Variants in MTUS2 observed in about 807,000 individuals in gnomAD.
MTUS2 encodes the protein microtubule associated scaffold protein 2.
In MTUS2, 40 loss-of-function variants were observed where a neutral mutation model predicts 114.1. The observed-to-expected ratio is 0.35, with a 90% CI of 0.27 to 0.46. MTUS2 has a LOEUF of 0.46. Among genes scored for constraint, MTUS2 ranks in the 20% least tolerant of loss-of-function variants. The pLI, the probability that MTUS2 is intolerant of heterozygous loss-of-function variation, is 1.00. For missense variants in MTUS2, 1,679 were observed against 1,705.4 expected (o/e 0.98, Z 0.27); for synonymous variants, 688 against 672.0 (o/e 1.02, Z -0.37).
chr13:29,290,848 T>G (rs1898681638), intron 6 of MTUS2, among the ~76,000 whole-genome samples: 1 of 152,066 alleles, frequency 6.6e-6, no homozygotes, highest in Non-Finnish European at 1.5e-5. Context: ...GTTGTACTCA[T>G]CCCCAAATCC....
At chr13:29,007,256 T>C (rs1310840906) in intron 2 of MTUS2, among the ~76,000 whole-genome samples, 1 of 152,202 alleles carries the variant, frequency 6.6e-6, no homozygotes, top group East Asian at 1.9e-4. Context: ...ATTTTTATTA[T>C]AGTGATAAAA....
chr13:28,897,280 C>T (rs1255686665), intron 2 of MTUS2, among the ~76,000 whole-genome samples: 2 of 151,980 alleles, frequency 1.3e-5, no homozygotes, highest in Admixed American at 6.6e-5. Flanking sequence ...TTTATGCAGC[C>T]AAAAAACACA....
intron 5 of MTUS2, among the ~76,000 whole-genome samples, chr13:29,277,520 G>A (rs1278754920): frequency 6.6e-6 from 1 of 152,190 alleles, no homozygotes; most frequent in Non-Finnish European, 1.5e-5. Flanking sequence ...ATCTTACATT[G>A]TAGTGAATAA....
intron 9 of MTUS2, among the ~76,000 whole-genome samples, chr13:29,443,458 T>C (rs1026441265): frequency 2.6e-5 from 4 of 152,220 alleles, no homozygotes; most frequent in Non-Finnish European, 5.9e-5. Context: ...TGAAATCTTA[T>C]TTGATTTCTG....
At chr13:29,003,143 T>A (rs866395106) in intron 2 of MTUS2, among the ~76,000 whole-genome samples, 2 of 152,214 alleles carry the variant, frequency 1.3e-5, no homozygotes, top group Non-Finnish European at 2.9e-5. Context: ...GGATGGGACT[T>A]TTTTTGTTTT....
intron 2 of MTUS2, among the ~76,000 whole-genome samples, chr13:28,886,906 G>A (rs1406009039): frequency 6.6e-6 from 1 of 152,192 alleles, no homozygotes; most frequent in Non-Finnish European, 1.5e-5. Flanking sequence ...AGCAGTTGGT[G>A]CTTTTCCTTG....
At chr13:28,839,552 A>G (rs1048401284) in intron 1 of MTUS2, among the ~76,000 whole-genome samples, 1 of 152,226 alleles carries the variant, frequency 6.6e-6, no homozygotes, top group African/African-American at 2.4e-5. Context: ...TAATCTGAAA[A>G]TAAGATTAAG....
intron 8 of MTUS2, among the ~76,000 whole-genome samples, chr13:29,436,518 C>T (rs1044090156): frequency 3.3e-5 from 5 of 152,160 alleles, no homozygotes; most frequent in Non-Finnish European, 7.4e-5. Context: ...AATACTTAGC[C>T]AGAACTTGCC....
In MTUS2 at chr13:29,158,159, C is replaced by T. The variant is rs567941867; in HGVS notation, c.2644+57189C>T. On this transcript the variant is annotated intron_variant, in intron 5 of 15. Transcript: ENST00000612955. ...ACTGTCCCTCCCGGACTCCCTCAAA[C>T]GTCTTTGCTTCTGGGATTTTGAGCA... Among the ~76,000 whole-genome samples, 45 of 152,228 alleles carry T rather than the reference C, an allele frequency of 3.0e-4. 1 individual carries two copies. In the South Asian group the frequency reaches 6.2e-3, roughly 21 times the overall value.
intron 10 of MTUS2, chr13:29,485,200 G>C (rs1415470682): frequency 6.6e-6 from 1 of 152,662 alleles, no homozygotes; most frequent in Non-Finnish European, 1.5e-5. Context: ...GAAAGATCTT[G>C]TGCTTTCCTT....
intron 5 of MTUS2, among the ~76,000 whole-genome samples, chr13:29,103,183 G>A (rs1890496077): frequency 6.6e-6 from 1 of 152,196 alleles, no homozygotes; most frequent in South Asian, 2.1e-4. Flanking sequence ...TGAAACATGA[G>A]CATGATAAGA....
intron 5 of MTUS2, among the ~76,000 whole-genome samples, chr13:29,222,750 C>A (rs1324952032): frequency 6.6e-6 from 1 of 152,212 alleles, no homozygotes; most frequent in African/African-American, 2.4e-5. Context: ...CACTCTCAGG[C>A]CCAGGAAGAC....
At chr13:29,006,723 T>C (rs74045515) in intron 2 of MTUS2, among the ~76,000 whole-genome samples, 1,937 of 152,350 alleles carry the variant, frequency 0.013, 38 homozygotes, top group African/African-American at 0.044. Context: ...AGGAGGGCTG[T>C]GTCTTCTAGG....
At chr13:29,292,057 AAAGCAGAAGGTAGGC>A (rs1898739479) in intron 6 of MTUS2, among the ~76,000 whole-genome samples, 1 of 152,234 alleles carries the variant, frequency 6.6e-6, no homozygotes, top group Non-Finnish European at 1.5e-5. Context: ...AGCCAATTAA[AAAGCAGAAGGTAGGC>A]ATGCAGATTG....
chr13:29,439,777 T>C (rs1877694591), intron 8 of MTUS2, among the ~76,000 whole-genome samples: 1 of 152,244 alleles, frequency 6.6e-6, no homozygotes. Flanking sequence ...AATATTATGA[T>C]GCAAGCTTTG....
At chr13:28,925,907 A>G (rs931068987) in intron 2 of MTUS2, among the ~76,000 whole-genome samples, 7 of 152,238 alleles carry the variant, frequency 4.6e-5, no homozygotes, top group African/African-American at 1.7e-4. Context: ...GGGAATTAGA[A>G]TACACACTTA....
At chr13:29,190,925 T>G (rs1359959974) in intron 5 of MTUS2, among the ~76,000 whole-genome samples, 2 of 152,106 alleles carry the variant, frequency 1.3e-5, no homozygotes, top group African/African-American at 4.8e-5. Flanking sequence ...AGCAAGTGAT[T>G]TACCCTGAGA....
chr13:28,964,466 G>A (rs1446368047), intron 2 of MTUS2, among the ~76,000 whole-genome samples: 1 of 152,088 alleles, frequency 6.6e-6, no homozygotes, highest in Non-Finnish European at 1.5e-5. Flanking sequence ...ACCACCAGCA[G>A]CAACGCATCT....
At chr13:29,270,148 C>T (rs138080028) in intron 5 of MTUS2, among the ~76,000 whole-genome samples, 16 of 152,152 alleles carry the variant, frequency 1.1e-4, no homozygotes, top group African/African-American at 3.6e-4. Flanking sequence ...GTTTATGCCT[C>T]GAGTTAACAA....
Sources: allele counts gnomAD v4.1 joint callset (sites outside exome capture counted in the v4.1 genomes callset), GRCh38; gene constraint gnomAD v4.1.1; transcripts MANE v1.5; gene names NCBI Gene and HGNC (gene_info 2026-07-23, HGNC 2026-07-21).